Variants in PRKG1 observed in about 807,000 individuals in gnomAD.
PRKG1 encodes the protein protein kinase cGMP-dependent 1.
A neutral mutation model predicts 88.1 loss-of-function variants in PRKG1; 35 were observed. That is an observed-to-expected ratio of 0.40 (90% CI 0.30 to 0.53). The LOEUF (loss-of-function observed/expected upper bound fraction) is 0.53. Among genes scored for constraint, PRKG1 ranks in the 20% least tolerant of loss-of-function variants. The pLI, the probability that PRKG1 is intolerant of heterozygous loss-of-function variation, is 0.59. For missense variants in PRKG1, 540 were observed against 839.8 expected (o/e 0.64, Z 4.41); for synonymous variants, 303 against 292.5 (o/e 1.04, Z -0.37).
At chr10:52,259,269 C>G (rs964415654) in intron 10 of PRKG1, among the ~76,000 whole-genome samples, 1 of 152,006 alleles carries the variant, frequency 6.6e-6, no homozygotes, top group African/African-American at 2.4e-5. Context: ...CAGAAATAGA[C>G]ATCATAATTT....
chr10:51,013,049 G>T (rs1843012853), intron 1 of PRKG1, among the ~76,000 whole-genome samples: 1 of 152,232 alleles, frequency 6.6e-6, no homozygotes, highest in South Asian at 2.1e-4. Flanking sequence ...AGGAACGGTG[G>T]CACGCAGTGA....
chr10:52,060,066 G>A (rs79798818), intron 6 of PRKG1, among the ~76,000 whole-genome samples: 2,275 of 151,916 alleles, frequency 0.015, 41 homozygotes, highest in East Asian at 0.072. Context: ...GGAAAAAAAT[G>A]TGGACTTAAT....
At chr10:52,136,235 G>A (rs1307909235) in intron 8 of PRKG1, among the ~76,000 whole-genome samples, 3 of 152,040 alleles carry the variant, frequency 2.0e-5, no homozygotes, top group African/African-American at 7.2e-5. Flanking sequence ...TACTAAAGGG[G>A]ATATTTGATA....
chr10:52,218,810 C>T (rs553428177), intron 9 of PRKG1, among the ~76,000 whole-genome samples: 8 of 152,118 alleles, frequency 5.3e-5, no homozygotes, highest in African/African-American at 1.9e-4. Flanking sequence ...CAGGGCCTCC[C>T]ATGAAATGAA....
intron 2 of PRKG1, among the ~76,000 whole-genome samples, chr10:51,167,998 G>A (rs529228066): frequency 6.6e-5 from 10 of 152,004 alleles, no homozygotes; most frequent in Non-Finnish European, 1.5e-4. Flanking sequence ...AGATTAAATG[G>A]CAAATTTGGA....
chr10:51,400,296 G>A (rs1837701424), intron 2 of PRKG1, among the ~76,000 whole-genome samples: 1 of 152,170 alleles, frequency 6.6e-6, no homozygotes, highest in Admixed American at 6.5e-5. Context: ...GAGCAATGGA[G>A]AAAATAAAAT....
chr10:52,128,729 A>C (rs376163667), intron 7 of PRKG1, among the ~76,000 whole-genome samples: 5 of 152,318 alleles, frequency 3.3e-5, no homozygotes, highest in Admixed American at 3.3e-4. Flanking sequence ...AATACCTGTT[A>C]ATCTGCCAAA....
At chr10:51,281,806 A>T (rs764895222) in intron 2 of PRKG1, among the ~76,000 whole-genome samples, 4 of 151,766 alleles carry the variant, frequency 2.6e-5, no homozygotes, top group Non-Finnish European at 5.9e-5. Context: ...GGGCTTCTTA[A>T]TTTGGAAACT....
chr10:52,227,679 C>T lies in PRKG1; in HGVS notation c.1077-23891C>T, dbSNP rs117455804. Among the ~76,000 whole-genome samples, 29 of 152,044 alleles carry T rather than the reference C, an allele frequency of 1.9e-4. 1 individual carries two copies. The East Asian group carries it at 5.6e-3, about 29-fold the overall frequency. Reference sequence around the variant, plus strand: ...GTATGTTCTATTCAGAAATGAGAACCCACTGCATTTAGTAAAATATAAAGA... The same window carrying T: ...GTATGTTCTATTCAGAAATGAGAACTCACTGCATTTAGTAAAATATAAAGA... On this transcript the variant is annotated intron_variant, in intron 9 of 17. Coordinates refer to ENST00000373980, the MANE Select transcript of PRKG1 (RefSeq NM_006258.4).
At chr10:52,203,640 G>T (rs958977791) in intron 9 of PRKG1, among the ~76,000 whole-genome samples, 2 of 152,096 alleles carry the variant, frequency 1.3e-5, no homozygotes, top group Admixed American at 1.3e-4. Context: ...ATTATTGTGT[G>T]GTTACCTGTT....
At chr10:52,148,530 G>A (rs1206092088) in intron 8 of PRKG1, among the ~76,000 whole-genome samples, 1 of 151,990 alleles carries the variant, frequency 6.6e-6, no homozygotes, top group East Asian at 1.9e-4. Context: ...AAAAAAAAAG[G>A]CAAAGGACAC....
At chr10:51,441,363 T>G (rs1182524643) in intron 2 of PRKG1, among the ~76,000 whole-genome samples, 1 of 152,028 alleles carries the variant, frequency 6.6e-6, no homozygotes, top group East Asian at 1.9e-4. Flanking sequence ...TTTTTTCCAT[T>G]TTGTAACTTC....
intron 3 of PRKG1, among the ~76,000 whole-genome samples, chr10:51,607,895 T>C (rs1420209119): frequency 2.0e-5 from 3 of 152,216 alleles, no homozygotes; most frequent in African/African-American, 7.2e-5. Flanking sequence ...CCACTAGTGC[T>C]TCTTTGTACT....
At chr10:52,036,020 G>C (rs12768701) in intron 5 of PRKG1, among the ~76,000 whole-genome samples, 1 of 151,582 alleles carries the variant, frequency 6.6e-6, no homozygotes, top group Admixed American at 6.6e-5. Flanking sequence ...AGATTAGTCG[G>C]ACATGATTGG....
intron 16 of PRKG1, among the ~76,000 whole-genome samples, chr10:52,289,384 A>T (rs972778013): frequency 6.6e-6 from 1 of 152,136 alleles, no homozygotes; most frequent in Non-Finnish European, 1.5e-5. Context: ...TCCTAATTAG[A>T]TGTTATAACA....
At chr10:51,024,064 C>G (rs1589112006) in intron 1 of PRKG1, among the ~76,000 whole-genome samples, 1 of 152,324 alleles carries the variant, frequency 6.6e-6, no homozygotes, top group African/African-American at 2.4e-5. Flanking sequence ...AACACAACCT[C>G]CATATTAGAA....
intron 3 of PRKG1, among the ~76,000 whole-genome samples, chr10:51,726,275 AT>A (rs1451125655): frequency 7.2e-5 from 11 of 152,300 alleles, no homozygotes; most frequent in African/African-American, 2.6e-4. Flanking sequence ...GGAGGCATAC[AT>A]TTTGTAAAGA....
At chr10:51,487,490 G>A (rs1441145043) in intron 3 of PRKG1, among the ~76,000 whole-genome samples, 1 of 152,110 alleles carries the variant, frequency 6.6e-6, no homozygotes, top group Admixed American at 6.6e-5. Flanking sequence ...ACTCAGTAGG[G>A]AGTTGCGGTA....
At chr10:51,956,449 G>A (rs929331114) in intron 5 of PRKG1, among the ~76,000 whole-genome samples, 1 of 151,840 alleles carries the variant, frequency 6.6e-6, no homozygotes, top group Non-Finnish European at 1.5e-5. Flanking sequence ...GAAATAAGAA[G>A]CAAAGTGAGA....
Sources: gnomAD v4.1 joint callset for allele counts (sites outside exome capture counted in the v4.1 genomes callset) on GRCh38, gnomAD v4.1.1 for gene constraint, MANE v1.5 for transcripts, NCBI Gene and HGNC (gene_info 2026-07-23, HGNC 2026-07-21) for gene names.